PELI2: variants seen among roughly 807,000 people sequenced by gnomAD.
The protein encoded by PELI2 is E3 ubiquitin-protein ligase pellino homolog 2.
In PELI2, 23 loss-of-function variants were observed where a neutral mutation model predicts 42.3. The ratio of observed to expected loss-of-function variants is 0.54; its 90% CI spans 0.39 to 0.77. The LOEUF is 0.77. PELI2 is among the 30% of genes least tolerant of loss of function. The pLI, the probability that PELI2 is intolerant of heterozygous loss-of-function variation, is 0.00. For synonymous variants in PELI2, 245 were observed against 212.2 expected, an observed-to-expected ratio of 1.15 and a Z score of -1.34; for missense variants, 463 against 553.2, an observed-to-expected ratio of 0.84 and a Z score of 1.64.
At chr14:56,159,914 A>G (rs1167557830) in intron 1 of PELI2, among the ~76,000 whole-genome samples, 3 of 152,202 alleles carry the variant, frequency 2.0e-5, no homozygotes, top group African/African-American at 2.4e-5. Context: ...ATTCAATAAC[A>G]GTACCTATTT....
chr14:56,231,268 T>C (rs1887559720), intron 2 of PELI2, among the ~76,000 whole-genome samples: 1 of 152,164 alleles, frequency 6.6e-6, no homozygotes, highest in African/African-American at 2.4e-5. Context: ...CTAATAGACA[T>C]CTACAGAACT....
At chr14:56,154,016 C>T (rs1428156446) in intron 1 of PELI2, among the ~76,000 whole-genome samples, 1 of 152,084 alleles carries the variant, frequency 6.6e-6, no homozygotes, top group East Asian at 1.9e-4. Flanking sequence ...AAAATATACA[C>T]TTTAAATTCT....
At chr14:56,207,951 G>A (rs1346031879) in intron 2 of PELI2, among the ~76,000 whole-genome samples, 2 of 152,206 alleles carry the variant, frequency 1.3e-5, no homozygotes, top group African/African-American at 4.8e-5. Context: ...AGGTATTCAG[G>A]CTGGGACTCA....
intron 2 of PELI2, among the ~76,000 whole-genome samples, chr14:56,202,418 G>A (rs1886361962): frequency 6.6e-6 from 1 of 151,772 alleles, no homozygotes; most frequent in South Asian, 2.1e-4. Flanking sequence ...AGCCCTCCTT[G>A]GCCCATTCTG....
In PELI2 at chr14:56,178,399, C is replaced by A; in HGVS notation, c.142C>A (p.Arg48=). 1.2e-6 allele frequency: 2 copies of A among 1,614,038 alleles called. No homozygotes were observed. Residue 48 remains arginine, a synonymous_variant, in exon 2 of 6, where the codon CGG becomes AGG. Coordinates refer to ENST00000267460, the MANE Select transcript of PELI2 (RefSeq NM_021255.3). ...GAAAAGTAGATTTGCCCTCTACAAG[C>A]GGCCCAAGGCAAATGGTGTCAAACC... ...RRKSRFALYK[R]PKANGVKPST...
At position 56,278,672 on chromosome 14, in the gene PELI2, C is replaced by T. The variant is rs1309445503; in HGVS notation, c.208-1004C>T. Among the ~76,000 whole-genome samples, 3 of 152,280 alleles carry T rather than the reference C, an allele frequency of 2.0e-5. No homozygotes were observed. The South Asian group carries it at 6.2e-4, about 32-fold the overall frequency. ...ATTTGGAATGTTTTACTGTTTATTG[C>T]TGTAAGGAATTACATTAGTCAAATA... is the stretch of plus-strand genomic sequence containing the variant. On this transcript the variant is annotated intron_variant, in intron 2 of 5. Transcript: ENST00000267460.
intron 1 of PELI2, among the ~76,000 whole-genome samples, chr14:56,132,422 C>T (rs563981894): frequency 6.6e-6 from 1 of 152,206 alleles, no homozygotes; most frequent in South Asian, 2.1e-4. Context: ...CATTAAGGTC[C>T]GAAGTTGTGA....
At chr14:56,173,765 T>G (rs1388525015) in intron 1 of PELI2, among the ~76,000 whole-genome samples, 1 of 152,188 alleles carries the variant, frequency 6.6e-6, no homozygotes, top group African/African-American at 2.4e-5. Context: ...CCTGTGTACC[T>G]CCTACAAAAT....
Position 56,171,041 on chromosome 14 carries a change from T to C in PELI2, c.78-7294T>C, listed in dbSNP as rs769594622. On this transcript the variant is annotated intron_variant, in intron 1 of 5. Coordinates refer to ENST00000267460, the MANE Select transcript of PELI2 (RefSeq NM_021255.3). ...AAAAGCGTGCCAGCCCAGGGAACGT[T>C]CTGACCTTCTTTCATGGGACAGTAA... 3.8e-4 allele frequency among the ~76,000 whole-genome samples: 58 copies of C among 152,200 alleles called. 1 individual carries two copies. Among genetic ancestry groups the C allele is most frequent in the Admixed American group, 2.5e-3 (38 of 15,282 alleles).
intron 1 of PELI2, among the ~76,000 whole-genome samples, chr14:56,161,735 T>TA (rs1491383268): frequency 1.2e-4 from 18 of 151,958 alleles, no homozygotes; most frequent in Admixed American, 5.9e-4. Context: ...TATATATATA[T>TA]TTTTTTTCAG....
intron 1 of PELI2, among the ~76,000 whole-genome samples, chr14:56,127,051 GTACGGTTTGAAAATCT>G (rs1490263380): frequency 6.6e-6 from 1 of 152,162 alleles, no homozygotes; most frequent in Non-Finnish European, 1.5e-5. Context: ...ATTAAGTACT[GTACGGTTTGAAAATCT>G]TAGCTAACAA....
chr14:56,253,090 A>G (rs1293262594), intron 2 of PELI2, among the ~76,000 whole-genome samples: 1 of 152,218 alleles, frequency 6.6e-6, no homozygotes, highest in Non-Finnish European at 1.5e-5. Context: ...AACAGAACCA[A>G]TGACAAAAAC....
At chr14:56,126,779 G>A (rs777510539) in intron 1 of PELI2, among the ~76,000 whole-genome samples, 17 of 152,082 alleles carry the variant, frequency 1.1e-4, no homozygotes, top group Admixed American at 7.9e-4. Flanking sequence ...CCCTTCCTGC[G>A]GAAGGATTGT....
At chr14:56,270,911 A>G (rs970622535) in intron 2 of PELI2, among the ~76,000 whole-genome samples, 1 of 152,188 alleles carries the variant, frequency 6.6e-6, no homozygotes, top group Non-Finnish European at 1.5e-5. Context: ...ACATGTGGTT[A>G]TTCCATTTTT....
intron 1 of PELI2, among the ~76,000 whole-genome samples, chr14:56,166,996 A>T (rs11625094): frequency 6.6e-6 from 1 of 151,824 alleles, no homozygotes; most frequent in South Asian, 2.1e-4. Flanking sequence ...TCACCATGTT[A>T]GCCAGGATGG....
At chr14:56,193,736 G>A (rs1420768939) in intron 2 of PELI2, among the ~76,000 whole-genome samples, 1 of 152,084 alleles carries the variant, frequency 6.6e-6, no homozygotes, top group Non-Finnish European at 1.5e-5. Flanking sequence ...TTTAAAACAC[G>A]CTTCTGATAA....
At chr14:56,187,987 A>T (rs4901642) in intron 2 of PELI2, among the ~76,000 whole-genome samples, 64,048 of 152,038 alleles carry the variant, frequency 0.42, 13,889 homozygotes, top group South Asian at 0.54. Context: ...GCCCAGGATG[A>T]TCTTCAGCCT....
At chr14:56,287,292 C>A (rs1204645774) in intron 3 of PELI2, among the ~76,000 whole-genome samples, 1 of 152,264 alleles carries the variant, frequency 6.6e-6, no homozygotes, top group Non-Finnish European at 1.5e-5. Context: ...GCTTTGTTTT[C>A]GCCTTTATAC....
rs577449008 is a variant in PELI2, at chr14:56,218,886, C to T, written c.207+40422C>T. On this transcript the variant is annotated intron_variant, in intron 2 of 5. Transcript: ENST00000267460. ...CAGAAAATTTTGTCAACATTAAATGCGATGGGAGTTGAGTTTTCAGAGGTG... is the reference window on the plus strand; with the variant it reads ...CAGAAAATTTTGTCAACATTAAATGTGATGGGAGTTGAGTTTTCAGAGGTG... 8.5e-5 allele frequency among the ~76,000 whole-genome samples: 13 copies of T among 152,232 alleles called. No individual in the cohort carries two copies. The South Asian group carries it at 1.0e-3, about 12-fold the overall frequency.
Sources: allele counts gnomAD v4.1 joint callset (sites outside exome capture counted in the v4.1 genomes callset), GRCh38; gene constraint gnomAD v4.1.1; transcripts MANE v1.5; gene names NCBI Gene and HGNC (gene_info 2026-07-23, HGNC 2026-07-21).